RANBP17: variants seen among roughly 807,000 people sequenced by gnomAD.
RANBP17 encodes RAN binding protein 17.
In RANBP17, 158 loss-of-function variants were observed where a neutral mutation model predicts 141.2. The observed-to-expected ratio is 1.12, with a 90% CI of 0.98 to 1.28. RANBP17 has a LOEUF of 1.28. RANBP17 is among the 50% of genes most tolerant of loss of function. The pLI is 0.00. For missense variants in RANBP17, 1,438 were observed against 1,290.7 expected, an observed-to-expected ratio of 1.11 and a Z score of -1.75; for synonymous variants, 430 against 450.0, an observed-to-expected ratio of 0.96 and a Z score of 0.56.
intron 14 of RANBP17, among the ~76,000 whole-genome samples, chr5:171,169,490 G>A (rs564636636): frequency 2.0e-5 from 3 of 152,186 alleles, no homozygotes; most frequent in East Asian, 3.9e-4. Context: ...CCCAAACTCT[G>A]CAACCAACAC....
chr5:171,010,673 A>C (rs1021064381), intron 14 of RANBP17, among the ~76,000 whole-genome samples: 2 of 152,004 alleles, frequency 1.3e-5, no homozygotes, highest in African/African-American at 4.8e-5. Flanking sequence ...AAAATGAGGA[A>C]ATTCCCCTAT....
At chr5:170,920,578 A>T in intron 11 of RANBP17, among the ~76,000 whole-genome samples, 1 of 149,024 alleles carries the variant, frequency 6.7e-6, no homozygotes, top group South Asian at 2.1e-4. Context: ...TCTGTTATGT[A>T]TTTGCAAATA....
chr5:170,934,621 T>C (rs187540023), intron 12 of RANBP17, among the ~76,000 whole-genome samples: 45 of 152,342 alleles, frequency 3.0e-4, no homozygotes, highest in African/African-American at 7.5e-4. Flanking sequence ...TGAAGAATGT[T>C]GAATATTGGC....
At chr5:171,052,283 G>T (rs1205686572) in intron 14 of RANBP17, among the ~76,000 whole-genome samples, 1 of 151,962 alleles carries the variant, frequency 6.6e-6, no homozygotes, top group African/African-American at 2.4e-5. Context: ...CTATTCTTTG[G>T]TTGCTTGTGG....
chr5:171,280,205 A>G (rs1474867907), intron 25 of RANBP17, among the ~76,000 whole-genome samples: 1 of 152,196 alleles, frequency 6.6e-6, no homozygotes, highest in African/African-American at 2.4e-5. Flanking sequence ...TGTGCTGGAA[A>G]TGTGAATCCA....
chr5:171,258,368 A>AT lies in RANBP17; in HGVS notation c.2777-7304dup, dbSNP rs1019928866. Reference sequence around the variant, plus strand: ...TCAAAATACCATCCTTCTTCACAGAATTTTTTTTTAAATCCTAAAATTCAT... The same window carrying AT: ...TCAAAATACCATCCTTCTTCACAGAATTTTTTTTTTAAATCCTAAAATTCAT... On this transcript the variant is annotated intron_variant, in intron 24 of 27. Transcript: ENST00000523189. 1.3e-4 allele frequency among the ~76,000 whole-genome samples: 20 copies of AT among 151,742 alleles called. No homozygotes were observed. In the East Asian group the frequency reaches 1.7e-3, roughly 13 times the overall value.
chr5:170,968,976 A>G (rs934734188), intron 14 of RANBP17, among the ~76,000 whole-genome samples: 1 of 151,864 alleles, frequency 6.6e-6, no homozygotes, highest in Non-Finnish European at 1.5e-5. Context: ...AGATACTGAC[A>G]CTGAGTAAAA....
At chr5:170,945,827 G>A (rs564897956) in intron 12 of RANBP17, among the ~76,000 whole-genome samples, 16 of 152,210 alleles carry the variant, frequency 1.1e-4, no homozygotes, top group African/African-American at 3.1e-4. Flanking sequence ...ATCAAAAAAA[G>A]TGTGAAATGT....
intron 14 of RANBP17, among the ~76,000 whole-genome samples, chr5:171,129,807 C>G (rs1051191882): frequency 5.3e-5 from 8 of 152,178 alleles, no homozygotes; most frequent in Admixed American, 1.3e-4. Context: ...GTTCCACCCT[C>G]TGGGCTTGTA....
At chr5:170,895,953 T>C (rs1581080366) in intron 4 of RANBP17, 97 bp from the exon 5 acceptor site, 1 of 561,444 alleles carries the variant, frequency 1.8e-6, no homozygotes, top group East Asian at 3.1e-5. Flanking sequence ...AAATGTGGTG[T>C]TTCAGTCTTT....
At chr5:170,877,857 G>A (rs1358241718) in intron 1 of RANBP17, among the ~76,000 whole-genome samples, 2 of 152,152 alleles carry the variant, frequency 1.3e-5, no homozygotes, top group East Asian at 3.9e-4. Context: ...TTGTAGACAA[G>A]TTCTCCCTTT....
chr5:170,880,282 A>G (rs941178737), intron 2 of RANBP17, among the ~76,000 whole-genome samples: 2 of 152,152 alleles, frequency 1.3e-5, no homozygotes, highest in Non-Finnish European at 2.9e-5. Flanking sequence ...ACATCTGTCC[A>G]CTCATCAAGA....
chr5:171,236,882 A>G (rs1327438853), intron 22 of RANBP17, among the ~76,000 whole-genome samples: 2 of 152,138 alleles, frequency 1.3e-5, no homozygotes, highest in Non-Finnish European at 2.9e-5. Flanking sequence ...AAAAGCCCAC[A>G]CTGTAAATCA....
intron 5 of RANBP17, chr5:170,896,793 G>C (rs1365202580): frequency 2.5e-6 from 1 of 392,824 alleles, no homozygotes; most frequent in Non-Finnish European, 4.8e-6. Flanking sequence ...TCGTGCCACT[G>C]CACTCCACCC....
intron 14 of RANBP17, among the ~76,000 whole-genome samples, chr5:171,063,858 G>T (rs1366018874): frequency 6.6e-6 from 1 of 152,212 alleles, no homozygotes; most frequent in Non-Finnish European, 1.5e-5. Flanking sequence ...TAGCGAGCCT[G>T]GGCAATGGCG....
intron 11 of RANBP17, among the ~76,000 whole-genome samples, chr5:170,921,682 A>G (rs1772479400): frequency 6.6e-6 from 1 of 152,122 alleles, no homozygotes; most frequent in African/African-American, 2.4e-5. Context: ...CTTGGGCAGT[A>G]TGGCCATTTT....
chr5:171,010,477 TAATAC>T (rs1779959906), intron 14 of RANBP17, among the ~76,000 whole-genome samples: 1 of 152,134 alleles, frequency 6.6e-6, no homozygotes, highest in South Asian at 2.1e-4. Flanking sequence ...TGGAGGAAGC[TAATAC>T]AATACAGAGT....
At chr5:171,061,481 T>A (rs1325221929) in intron 14 of RANBP17, among the ~76,000 whole-genome samples, 4 of 151,872 alleles carry the variant, frequency 2.6e-5, no homozygotes, top group African/African-American at 7.3e-5. Flanking sequence ...TTTGAGTGAG[T>A]TTCTTAATCC....
intron 20 of RANBP17, among the ~76,000 whole-genome samples, chr5:171,210,383 A>G (rs1762806821): frequency 6.6e-6 from 1 of 152,172 alleles, no homozygotes; most frequent in African/African-American, 2.4e-5. Flanking sequence ...CCACACAGAA[A>G]AAGGAGCATC....
Sources: gnomAD v4.1 joint callset for allele counts (sites outside exome capture counted in the v4.1 genomes callset) on GRCh38, gnomAD v4.1.1 for gene constraint, MANE v1.5 for transcripts, NCBI Gene and HGNC (gene_info 2026-07-23, HGNC 2026-07-21) for gene names.